Variants in ZEB1 observed in about 807,000 individuals in gnomAD.
The protein encoded by ZEB1 is zinc finger E-box-binding homeobox 1.
Under a neutral mutation model 84.9 loss-of-function variants are expected in ZEB1, and 21 were observed. That is an observed-to-expected ratio of 0.25 (90% CI 0.18 to 0.36). The LOEUF is 0.36. Among genes scored for constraint, ZEB1 ranks in the 10% least tolerant of loss-of-function variants. The pLI is 1.00. For synonymous variants in ZEB1, 420 were observed against 471.1 expected, an observed-to-expected ratio of 0.89 and a Z score of 1.41; for missense variants, 1,104 against 1,330.2, an observed-to-expected ratio of 0.83 and a Z score of 2.65.
intron 1 of ZEB1, chr10:31,363,524 T>A: frequency 2.6e-6 from 4 of 1,528,738 alleles, no homozygotes; most frequent in Non-Finnish European, 3.5e-6. Flanking sequence ...CAGGGGCCCC[T>A]TTTATTGTCC....
chr10:31,401,292 T>A (rs1325538774), intron 1 of ZEB1, among the ~76,000 whole-genome samples: 1 of 152,200 alleles, frequency 6.6e-6, no homozygotes, highest in African/African-American at 2.4e-5. Flanking sequence ...AAGAAATACA[T>A]AATTACTATT....
chr10:31,414,032 C>G (rs1392941326), intron 1 of ZEB1, among the ~76,000 whole-genome samples: 1 of 152,168 alleles, frequency 6.6e-6, no homozygotes, highest in Admixed American at 6.5e-5. Flanking sequence ...CAAGCACTAG[C>G]AAATTCGGAA....
chr10:31,458,903 T>A (rs1385750295), intron 1 of ZEB1, among the ~76,000 whole-genome samples: 5 of 152,216 alleles, frequency 3.3e-5, no homozygotes, highest in African/African-American at 1.2e-4. Flanking sequence ...CCCCTTGACT[T>A]ATGAATTATG....
At chr10:31,494,328 C>A (rs2066939763) in intron 2 of ZEB1, among the ~76,000 whole-genome samples, 1 of 151,992 alleles carries the variant, frequency 6.6e-6, no homozygotes, top group South Asian at 2.1e-4. Context: ...TTAATCTCAT[C>A]ATCTACTTAA....
chr10:31,408,064 A>G (rs1301437355), intron 1 of ZEB1, among the ~76,000 whole-genome samples: 3 of 151,880 alleles, frequency 2.0e-5, no homozygotes, highest in Admixed American at 6.6e-5. Flanking sequence ...TACAAAATCA[A>G]TGTACAAAAA....
chr10:31,499,859 A>T (rs2067859064), intron 3 of ZEB1, among the ~76,000 whole-genome samples: 1 of 152,270 alleles, frequency 6.6e-6, no homozygotes, highest in East Asian at 1.9e-4. Context: ...CAAGATTAAG[A>T]TTATGTAGAT....
rs890186396 is a variant in ZEB1 at position 31,454,689 on chromosome 10, G to A, written c.59-6348G>A. Among the ~76,000 whole-genome samples, 9 of 152,084 alleles carry A rather than the reference G, an allele frequency of 5.9e-5. 1 individual carries two copies. Among genetic ancestry groups the A allele is most frequent in the Non-Finnish European group, 1.2e-4 (8 of 68,000 alleles). On this transcript the variant is annotated intron_variant, in intron 1 of 8. Coordinates refer to ENST00000424869, the MANE Select transcript of ZEB1 (RefSeq NM_001174096.2). ...ACTATTAAAAGAATAAAGTACCTAG[G>A]AATACAGCTTACAAGGGATGTGAAG...
At chr10:31,500,166 C>A (rs1477231979) in intron 3 of ZEB1, among the ~76,000 whole-genome samples, 1 of 152,006 alleles carries the variant, frequency 6.6e-6, no homozygotes, top group African/African-American at 2.4e-5. Context: ...TACATGGAAT[C>A]TGTAAGAAAT....
rs551328741 is a variant in ZEB1, at chr10:31,440,766, A to G, written c.59-20271A>G. Among the ~76,000 whole-genome samples the G allele has an allele frequency of 3.3e-4, 51 of 152,340 alleles. No individual in the cohort carries two copies. The South Asian group carries it at 0.01, about 30-fold the overall frequency. ...AAGCATTCTTATACACCAATAACAGACAAACAGAAAGCCAAATCATGAGTG... is the reference window on the plus strand; with the variant it reads ...AAGCATTCTTATACACCAATAACAGGCAAACAGAAAGCCAAATCATGAGTG... On this transcript the variant is annotated intron_variant, in intron 1 of 8. Transcript: ENST00000424869.
chr10:31,514,656 A>C lies in ZEB1; in HGVS notation c.741A>C (p.Gly247=), dbSNP rs776126626. ...GTAAATTCAAATGCACTGAGTGTGG[A>C]AAAGCTTTCAAATACAAACATCACC... ...CNRKFKCTEC[G]KAFKYKHHLK... is the part of the protein sequence containing the mutation. The change falls in exon 6 of 9, where the codon GGA becomes GGC. Residue 247 remains glycine (G), a synonymous_variant. Coordinates refer to ENST00000424869, the MANE Select transcript of ZEB1 (RefSeq NM_001174096.2). 6.2e-7 allele frequency: 1 copy of C among 1,612,822 alleles called. No homozygotes were observed. The highest frequency in any genetic ancestry group is 8.5e-7 in the Non-Finnish European group (1 of 1,179,120).
intron 2 of ZEB1, among the ~76,000 whole-genome samples, chr10:31,493,117 C>G (rs971178789): frequency 8.5e-5 from 13 of 152,050 alleles, no homozygotes; most frequent in African/African-American, 2.9e-4. Flanking sequence ...TCACCCCTGT[C>G]CCTCTACCTT....
At chr10:31,475,795 C>T (rs886647581) in intron 2 of ZEB1, among the ~76,000 whole-genome samples, 4 of 152,018 alleles carry the variant, frequency 2.6e-5, no homozygotes, top group African/African-American at 9.7e-5. Context: ...GAGTTCTGAA[C>T]ATGGCAATGA....
rs11527628 is a variant in ZEB1, at chr10:31,475,478, A to G, written c.259+14241A>G. On this transcript the variant is annotated intron_variant, in intron 2 of 8. Transcript: ENST00000424869. ...AAAAATACTGTACAACATTAACATG[A>G]CCAAGGCATATAGTCATTAGGCTAT... is the stretch of plus-strand genomic sequence containing the variant. Among the ~76,000 whole-genome samples, 12 of 152,282 alleles carry G rather than the reference A, an allele frequency of 7.9e-5. No individual in the cohort carries two copies. In the East Asian group the frequency reaches 1.9e-3, roughly 25 times the overall value.
At chr10:31,518,988 C>T (rs1289426685) in intron 6 of ZEB1, among the ~76,000 whole-genome samples, 1 of 152,126 alleles carries the variant, frequency 6.6e-6, no homozygotes, top group Non-Finnish European at 1.5e-5. Context: ...TCACTGCTTT[C>T]ATTTTAATTC....
intron 1 of ZEB1, among the ~76,000 whole-genome samples, chr10:31,433,742 A>G (rs2057989735): frequency 6.6e-6 from 1 of 152,206 alleles, no homozygotes; most frequent in African/African-American, 2.4e-5. Flanking sequence ...GAAACTGGCA[A>G]ATTTTTTAAC....
At chr10:31,501,182 A>T (rs535536823) in intron 3 of ZEB1, among the ~76,000 whole-genome samples, 2 of 152,312 alleles carry the variant, frequency 1.3e-5, no homozygotes, top group Middle Eastern at 3.4e-3. Context: ...GTTCAGTCAG[A>T]GTCTATAAAG....
chr10:31,375,939 T>A lies in ZEB1; in HGVS notation c.58+56647T>A, dbSNP rs1200371114. Among the ~76,000 whole-genome samples the A allele has an allele frequency of 2.6e-5, 4 of 151,826 alleles. 1 individual carries two copies. The highest frequency in any genetic ancestry group is 2.6e-4 in the Admixed American group (4 of 15,200). ...TAAAAAGAAGGAGTTCCTGCTGATA[T>A]AAGTCACGAGGATTATTTGAAGGAA... On this transcript the variant is annotated intron_variant, in intron 1 of 8. Transcript: ENST00000424869.
At chr10:31,433,600 T>C (rs1178885239) in intron 1 of ZEB1, among the ~76,000 whole-genome samples, 2 of 152,256 alleles carry the variant, frequency 1.3e-5, no homozygotes, top group Non-Finnish European at 2.9e-5. Context: ...ACATCTGTTA[T>C]ACTTTGATGT....
Position 31,521,435 on chromosome 10 carries a change from T to C in ZEB1, c.2103T>C (p.Ser701=), listed in dbSNP as rs755181573. 6.2e-7 allele frequency: 1 copy of C among 1,614,038 alleles called. No individual in the cohort carries two copies. Among genetic ancestry groups the C allele is most frequent in the Non-Finnish European group, 8.5e-7 (1 of 1,179,974 alleles). The change falls in exon 7 of 9, where the codon AGT becomes AGC. Residue 701 remains serine, a synonymous_variant. Transcript: ENST00000424869. ...PVGSTTNGSR[S]STPSPSPLNL... is the part of the protein sequence containing the mutation. ...GATCAACCACCAATGGTTCCAGAAG[T>C]AGTACACCATCCCCATCACCTCTAA...
Sources: gnomAD v4.1 joint callset for allele counts (sites outside exome capture counted in the v4.1 genomes callset) on GRCh38, gnomAD v4.1.1 for gene constraint, MANE v1.5 for transcripts, NCBI Gene and HGNC (gene_info 2026-07-23, HGNC 2026-07-21) for gene names.